RPH3A: variants seen among roughly 807,000 people sequenced by gnomAD.
RPH3A encodes rabphilin-3A.
A neutral mutation model predicts 102.2 loss-of-function variants in RPH3A; 48 were observed. The observed-to-expected ratio is 0.47, with a 90% CI of 0.37 to 0.60. The LOEUF (loss-of-function observed/expected upper bound fraction) is 0.60, where lower values mean the gene tolerates loss of function less well. Among genes scored for constraint, RPH3A ranks in the 20% least tolerant of loss-of-function variants. The pLI is 0.00. For missense variants in RPH3A, 781 were observed against 910.1 expected (o/e 0.86, Z 1.83); for synonymous variants, 310 against 324.3 (o/e 0.96, Z 0.47).
chr12:112,819,113 T>C (rs1050632119), intron 2 of RPH3A, among the ~76,000 whole-genome samples: 16 of 152,000 alleles, frequency 1.1e-4, no homozygotes, highest in Non-Finnish European at 1.9e-4. Flanking sequence ...TGTGTGTATA[T>C]ATATATATTT....
intron 1 of RPH3A, among the ~76,000 whole-genome samples, chr12:112,765,172 A>G (rs1433778008): frequency 6.6e-6 from 1 of 151,754 alleles, no homozygotes; most frequent in African/African-American, 2.4e-5. Context: ...CGTGGGGAGC[A>G]TATATGTGGG....
At chr12:112,787,296 A>G (rs192704736), upstream of RPH3A, among the ~76,000 whole-genome samples, 6 of 152,318 alleles carry the variant, frequency 3.9e-5, no homozygotes, top group Admixed American at 2.6e-4. Context: ...TATTTTGCCT[A>G]CCACACTTGC....
intron 5 of RPH3A, among the ~76,000 whole-genome samples, chr12:112,851,150 T>A (rs184550726): frequency 3.9e-5 from 6 of 152,278 alleles, no homozygotes; most frequent in Non-Finnish European, 7.4e-5. Context: ...ACTTACTAGG[T>A]ATGTGCTTAA....
At chr12:112,801,837 G>A (rs1267470414) in intron 2 of RPH3A, among the ~76,000 whole-genome samples, 1 of 151,940 alleles carries the variant, frequency 6.6e-6, no homozygotes, top group Non-Finnish European at 1.5e-5. Flanking sequence ...CTCTGTTTAT[G>A]CGTATTTCTA....
intron 5 of RPH3A, among the ~76,000 whole-genome samples, chr12:112,864,474 A>G (rs2042574534): frequency 6.7e-6 from 1 of 149,950 alleles, no homozygotes. Context: ...AAAAATGGAT[A>G]CTATAGGCAG....
At chr12:112,685,304 C>T (rs988020757) in intron 1 of RPH3A, among the ~76,000 whole-genome samples, 1 of 152,114 alleles carries the variant, frequency 6.6e-6, no homozygotes, top group Non-Finnish European at 1.5e-5. Context: ...CCTCATTATC[C>T]CTGAAGACCC....
chr12:112,777,236 C>G (rs879934303), intron 1 of RPH3A, among the ~76,000 whole-genome samples: 4 of 152,208 alleles, frequency 2.6e-5, no homozygotes, highest in Non-Finnish European at 4.4e-5. Context: ...AGGAGGCACT[C>G]AGCAAATATT....
intron 4 of RPH3A, among the ~76,000 whole-genome samples, chr12:112,843,098 T>A (rs1408325638): frequency 6.6e-6 from 1 of 152,140 alleles, no homozygotes; most frequent in Non-Finnish European, 1.5e-5. Context: ...TTTAACAAGA[T>A]CCCAAAACTG....
At chr12:112,786,035 T>G (rs2041047999) in intron 1 of RPH3A, among the ~76,000 whole-genome samples, 1 of 151,578 alleles carries the variant, frequency 6.6e-6, no homozygotes, top group African/African-American at 2.4e-5. Flanking sequence ...GAAGGTATGG[T>G]GGTCCCATTT....
Position 112,896,957 on chromosome 12 carries a change from C to A in RPH3A, c.*177C>A, listed in dbSNP as rs1487552173. On this transcript the variant is annotated 3_prime_UTR_variant, in exon 22 of 22. Coordinates refer to ENST00000389385, the MANE Select transcript of RPH3A (RefSeq NM_001143854.2). The stretch of plus-strand genomic sequence containing the variant: ...ACTGCTGCCAAAGACTCCCTCCTCC[C>A]TGATGCTGGGATGTGGGCTCTGAAT... 1.6e-6 allele frequency: 1 copy of A among 621,108 alleles called. No homozygotes were observed. Among genetic ancestry groups the A allele is most frequent in the Non-Finnish European group, 2.8e-6 (1 of 359,430 alleles). The allele number at this position is 621,108 out of a possible 1,614,324, so 38.5% of individuals were successfully genotyped here.
intron 1 of RPH3A, among the ~76,000 whole-genome samples, chr12:112,601,025 C>T (rs2039554905): frequency 1.3e-5 from 2 of 152,254 alleles, no homozygotes; most frequent in African/African-American, 4.8e-5. Context: ...CACTCATTAT[C>T]ACGAGAACAA....
intron 1 of RPH3A, among the ~76,000 whole-genome samples, chr12:112,671,633 A>T (rs1467933075): frequency 2.6e-5 from 4 of 152,164 alleles, no homozygotes; most frequent in African/African-American, 9.7e-5. Context: ...ATTGAGGGAC[A>T]AGGCCTATGT....
At position 112,797,948 on chromosome 12, in the gene RPH3A, C is replaced by T. The variant is rs953207665; in HGVS notation, c.-19+5685C>T. On this transcript the variant is annotated intron_variant, in intron 2 of 21. Coordinates refer to ENST00000389385, the MANE Select transcript of RPH3A (RefSeq NM_001143854.2). ...AAGCTATCCTCCTGCCTCGGCCTAC[C>T]GAAGTGCTGGGATTCCAGCCGTGAG... is the stretch of plus-strand genomic sequence containing the variant. Among the ~76,000 whole-genome samples the T allele has an allele frequency of 2.6e-5, 4 of 152,176 alleles. No homozygotes were observed. The East Asian group carries it at 5.8e-4, about 22-fold the overall frequency.
At chr12:112,588,568 G>T (rs535882907) in intron 1 of RPH3A, among the ~76,000 whole-genome samples, 1 of 152,268 alleles carries the variant, frequency 6.6e-6, no homozygotes, top group South Asian at 2.1e-4. Flanking sequence ...ACGACATTTG[G>T]GTGGAGACAC....
chr12:112,895,985 A>C, intron 21 of RPH3A, 112 bp downstream of exon 21: 1 of 699,318 alleles, frequency 1.4e-6, no homozygotes, highest in Non-Finnish European at 2.5e-6. Context: ...TGGCAACCTC[A>C]TTGTTCAAAT....
At chr12:112,793,422 C>T in intron 2 of RPH3A, among the ~76,000 whole-genome samples, 1 of 152,190 alleles carries the variant, frequency 6.6e-6, no homozygotes. Context: ...AAACAACAGT[C>T]AGAGATTGGC....
intron 3 of RPH3A, among the ~76,000 whole-genome samples, chr12:112,829,011 C>G (rs1190033183): frequency 6.6e-6 from 1 of 152,126 alleles, no homozygotes; most frequent in Non-Finnish European, 1.5e-5. Context: ...TTCCACTGTC[C>G]CCATCATTCC....
intron 1 of RPH3A, among the ~76,000 whole-genome samples, chr12:112,676,752 G>A (rs954669674): frequency 6.6e-6 from 1 of 152,194 alleles, no homozygotes; most frequent in African/African-American, 2.4e-5. Flanking sequence ...CACACCGTAG[G>A]CAGTGCTAAT....
chr12:112,828,779 T>A (rs187682702), intron 3 of RPH3A, among the ~76,000 whole-genome samples: 1 of 152,252 alleles, frequency 6.6e-6, no homozygotes, highest in Non-Finnish European at 1.5e-5. Context: ...GATTACAAAC[T>A]GGCAGACTCT....
Sources: gnomAD v4.1 joint callset for allele counts (sites outside exome capture counted in the v4.1 genomes callset) on GRCh38, gnomAD v4.1.1 for gene constraint, MANE v1.5 for transcripts, NCBI Gene and HGNC (gene_info 2026-07-23, HGNC 2026-07-21) for gene names.